The following AKAP13 variants were observed in gnomAD, a reference collection of about 807,000 sequenced individuals.
The protein encoded by AKAP13 is A-kinase anchoring protein 13.
In AKAP13, 80 loss-of-function variants were observed where a neutral mutation model predicts 264.5. The observed-to-expected ratio is 0.30, with a 90% CI of 0.25 to 0.36. AKAP13 has a LOEUF of 0.36. AKAP13 is among the 10% of genes least tolerant of loss of function. The probability of loss-of-function intolerance (pLI) is 1.00; values close to 1 mark genes in which losing one functional copy is unlikely to be tolerated. For synonymous variants in AKAP13, 1,380 were observed against 1,250.2 expected (o/e 1.10, Z -2.19); for missense variants, 3,712 against 3,435.2 (o/e 1.08, Z -2.01).
intron 8 of AKAP13, among the ~76,000 whole-genome samples, chr15:85,600,950 A>T (rs17633959): frequency 0.17 from 25,647 of 152,184 alleles, 2,455 homozygotes; most frequent in Non-Finnish European, 0.22. Flanking sequence ...TTGGAATGGC[A>T]GTCAGATAGC....
At chr15:85,455,637 T>A (rs919133020) in intron 1 of AKAP13, among the ~76,000 whole-genome samples, 1 of 152,136 alleles carries the variant, frequency 6.6e-6, no homozygotes, top group Admixed American at 6.5e-5. Context: ...CTGTTACCAA[T>A]CCCTTGGATG....
At chr15:85,536,453 G>C (rs1026232797) in intron 4 of AKAP13, 2 of 152,262 alleles carry the variant, frequency 1.3e-5, no homozygotes, top group African/African-American at 4.8e-5. Context: ...GTATGACCCA[G>C]TAATCCCACT....
intron 21 of AKAP13, 39 bp downstream of exon 21, chr15:85,717,441 G>T: frequency 7.2e-7 from 1 of 1,395,010 alleles, no homozygotes; most frequent in South Asian, 1.2e-5. Flanking sequence ...TGCCTCTGTA[G>T]GGACTGTGTG....
intron 1 of AKAP13, among the ~76,000 whole-genome samples, chr15:85,458,457 A>G (rs1179954600): frequency 7.4e-6 from 1 of 135,286 alleles, no homozygotes; most frequent in Non-Finnish European, 1.5e-5. Context: ...TTATCACTTT[A>G]CATTGATTAA....
At chr15:85,743,451 G>A in intron 35 of AKAP13, 41 bp from the exon 36 acceptor site, 2 of 1,587,790 alleles carry the variant, frequency 1.3e-6, no homozygotes, top group Non-Finnish European at 1.7e-6. Context: ...CACGGACGCT[G>A]ACAGCCTCCA....
chr15:85,746,726 T>A lies in AKAP13; in HGVS notation c.*2049T>A, dbSNP rs1218973947. On this transcript the variant is annotated 3_prime_UTR_variant, in exon 37 of 37. Coordinates refer to ENST00000394518, the MANE Select transcript of AKAP13 (RefSeq NM_007200.5). ...GTTACAGCTGAATCTGTCGTGACTT[T>A]CCTGAGATCTACCCGGGGCTTGGCT... The A allele has an allele frequency of 6.6e-6, 1 of 151,220 alleles. No homozygotes were observed. The highest frequency in any genetic ancestry group is 1.5e-5 in the Non-Finnish European group (1 of 67,770). 9.4% of individuals were successfully genotyped at this position (151,220 alleles called of 1,614,324 possible).
intron 16 of AKAP13, among the ~76,000 whole-genome samples, chr15:85,687,065 A>G (rs2084975735): frequency 6.6e-6 from 1 of 152,186 alleles, no homozygotes; most frequent in Admixed American, 6.5e-5. Context: ...CACTCATCTC[A>G]TGGATAAGGT....
intron 8 of AKAP13, among the ~76,000 whole-genome samples, chr15:85,632,616 C>G (rs1283624941): frequency 6.6e-6 from 1 of 152,170 alleles, no homozygotes; most frequent in East Asian, 1.9e-4. Context: ...ATGTTCTCAT[C>G]ACTGTTACTC....
chr15:85,583,483 G>T (rs547120782), intron 7 of AKAP13, among the ~76,000 whole-genome samples: 65 of 152,280 alleles, frequency 4.3e-4, no homozygotes, highest in African/African-American at 1.5e-3. Flanking sequence ...CTTGCTGGCT[G>T]TTGTCTCAGG....
chr15:85,542,739 A>C (rs1261804287), intron 4 of AKAP13, among the ~76,000 whole-genome samples: 6 of 152,204 alleles, frequency 3.9e-5, no homozygotes, highest in Non-Finnish European at 8.8e-5. Context: ...CTGCTGAAGG[A>C]AGAGAGTATT....
intron 1 of AKAP13, among the ~76,000 whole-genome samples, chr15:85,404,292 C>G (rs557971141): frequency 2.6e-5 from 4 of 152,274 alleles, no homozygotes; most frequent in African/African-American, 4.8e-5. Flanking sequence ...CAGTTTTGGT[C>G]GTATCACTGC....
chr15:85,544,810 G>T (rs934606810), intron 5 of AKAP13, among the ~76,000 whole-genome samples: 4 of 152,124 alleles, frequency 2.6e-5, no homozygotes, highest in African/African-American at 9.7e-5. Context: ...TTGGATCTAT[G>T]TTCTTTAGCA....
chr15:85,565,147 A>G (rs955610731), intron 5 of AKAP13, among the ~76,000 whole-genome samples: 3 of 152,292 alleles, frequency 2.0e-5, no homozygotes, highest in Non-Finnish European at 2.9e-5. Context: ...TGTCTGATGT[A>G]GTAGTAATGA....
chr15:85,669,770 A>G lies in AKAP13; in HGVS notation c.5041A>G (p.Ile1681Val), dbSNP rs746596057. Reference sequence around the variant, plus strand: ...GGGATTTAATTACTGTACATCAGCCATTTCCTCTCCATTGACAAAATCCAT... The same window carrying G: ...GGGATTTAATTACTGTACATCAGCCGTTTCCTCTCCATTGACAAAATCCAT... ...QQGFNYCTSAISSPLTKSISL... is the reference protein window; with the variant it reads ...QQGFNYCTSAVSSPLTKSISL... Residue 1681 changes from isoleucine (I) to valine (V), a missense_variant, in exon 14 of 37, where the codon ATT (isoleucine) becomes GTT (valine). By Grantham distance (29) the Ile-to-Val change is conservative (BLOSUM62 3). Transcript: ENST00000394518. 49 of 1,613,666 alleles carry G rather than the reference A, an allele frequency of 3.0e-5. 2 individuals carry two copies. The South Asian group carries it at 5.1e-4, about 17-fold the overall frequency.
Position 85,722,241 on chromosome 15 carries a change from C to A in AKAP13, c.6390C>A (p.Ser2130Arg). 1 of 1,612,996 alleles carries A rather than the reference C, an allele frequency of 6.2e-7. No homozygotes were observed. Among genetic ancestry groups the A allele is most frequent in the South Asian group, 1.1e-5 (1 of 90,908 alleles). ...TTACTCCCTTGCAGAAGAAGATGAG[C>A]AGTTCAGTTGTTAGAAGGCTTGGAA... ...RFQAFVKKKM[S>R]SSVVRRLGIP... Residue 2130 changes from serine (S) to arginine (R), a missense_variant, in exon 25 of 37, where the codon AGC (serine) becomes AGA (arginine). Around this residue, in one of 3 missense-constraint regions of AKAP13, gnomAD observed 342 missense variants for 484.3 expected, o/e 0.71. Transcript: ENST00000394518.
chr15:85,701,895 C>T (rs949817852), intron 17 of AKAP13, among the ~76,000 whole-genome samples: 12 of 152,150 alleles, frequency 7.9e-5, no homozygotes, highest in African/African-American at 2.9e-4. Flanking sequence ...ATAGTCTCAA[C>T]ATCTGGTGAT....
At chr15:85,544,082 G>A in intron 5 of AKAP13, 127 bp downstream of exon 5, 1 of 1,097,310 alleles carries the variant, frequency 9.1e-7, no homozygotes, top group Non-Finnish European at 1.4e-6. Context: ...TCTGTATCTT[G>A]CCTTCTGCTG....
At chr15:85,732,431 T>C (rs2088113864) in intron 30 of AKAP13, among the ~76,000 whole-genome samples, 1 of 142,466 alleles carries the variant, frequency 7.0e-6, no homozygotes, top group East Asian at 2.0e-4. Context: ...AAAACATATA[T>C]ATAACATTAT....
chr15:85,529,266 A>G (rs1450259176), intron 3 of AKAP13, among the ~76,000 whole-genome samples: 1 of 152,060 alleles, frequency 6.6e-6, no homozygotes, highest in Non-Finnish European at 1.5e-5. Flanking sequence ...CAAGAATACA[A>G]AAAAATTAGC....
Sources: allele counts gnomAD v4.1 joint callset (sites outside exome capture counted in the v4.1 genomes callset), GRCh38; gene constraint gnomAD v4.1.1; regional missense constraint gnomAD v4.1.1; transcripts MANE v1.5; gene names NCBI Gene and HGNC (gene_info 2026-07-23, HGNC 2026-07-21).